STAMBP: variants seen among roughly 807,000 people sequenced by gnomAD.
The protein encoded by STAMBP is STAM-binding protein.
A neutral mutation model predicts 50.7 loss-of-function variants in STAMBP; 31 were observed. The observed-to-expected ratio is 0.61, with a 90% CI of 0.46 to 0.83. The LOEUF (loss-of-function observed/expected upper bound fraction) is 0.83. STAMBP is among the 40% of genes least tolerant of loss of function. The probability of loss-of-function intolerance (pLI) is 0.00; values close to 1 mark genes in which losing one functional copy is unlikely to be tolerated. For synonymous variants in STAMBP, 211 were observed against 192.4 expected (o/e 1.10, Z -0.80); for missense variants, 472 against 518.9 (o/e 0.91, Z 0.88).
At chr2:73,859,202 G>A in intron 7 of STAMBP, 52 bp from the exon 8 acceptor site, 1 of 1,435,634 alleles carries the variant, frequency 7.0e-7, no homozygotes, top group South Asian at 1.2e-5. Context: ...AAATAAGGAG[G>A]GATTACCATA....
intron 7 of STAMBP, among the ~76,000 whole-genome samples, chr2:73,852,844 A>ATT (rs1159802405): frequency 1.6e-5 from 1 of 62,706 alleles, no homozygotes; most frequent in Non-Finnish European, 2.9e-5. Context: ...TGCCTGGCTA[A>ATT]TTGTGTGTGT....
chr2:73,869,996 T>C (rs1450583636), downstream of STAMBP: 1 of 152,200 alleles, frequency 6.6e-6, no homozygotes, highest in African/African-American at 2.4e-5. Flanking sequence ...CCTAAAAATA[T>C]TAATATTAGT....
intron 7 of STAMBP, among the ~76,000 whole-genome samples, chr2:73,852,583 T>G (rs537257603): frequency 6.6e-6 from 1 of 152,256 alleles, no homozygotes; most frequent in South Asian, 2.1e-4. Flanking sequence ...GGCTACCTAA[T>G]GTAACATAGA....
downstream of STAMBP, among the ~76,000 whole-genome samples, chr2:73,870,800 T>A (rs2104768350): frequency 6.6e-6 from 1 of 152,326 alleles, no homozygotes; most frequent in South Asian, 2.1e-4. Context: ...CCATGCCACC[T>A]GCAGCACCAG....
chr2:73,848,059 C>T (rs1409131259), intron 5 of STAMBP, among the ~76,000 whole-genome samples: 1 of 152,206 alleles, frequency 6.6e-6, no homozygotes, highest in Admixed American at 6.5e-5. Context: ...ATAACATCAT[C>T]AGACTGCTGT....
chr2:73,857,175 A>G (rs773686765), intron 7 of STAMBP, among the ~76,000 whole-genome samples: 2 of 152,134 alleles, frequency 1.3e-5, no homozygotes, highest in Non-Finnish European at 2.9e-5. Flanking sequence ...GATGCCCCAG[A>G]TGGAAGGTTT....
In STAMBP at chr2:73,850,596, TCAA is replaced by T; in HGVS notation, c.1005+84_1005+86del. The T allele has an allele frequency of 7.1e-7, 1 of 1,404,620 alleles. No homozygotes were observed. The highest frequency in any genetic ancestry group is 9.6e-7 in the Non-Finnish European group (1 of 1,042,022). The allele number at this position is 1,404,620 out of a possible 1,614,324, so 87.0% of individuals were successfully genotyped here. A position where few individuals can be genotyped will look rare whatever the true frequency, so the allele number is the denominator to read the frequency against. ...TACATGAGTGTTTCTTTGAACAAAGTCAATTATATCCAGATTATTTATTGTTTT... is the reference window on the plus strand; with the variant it reads ...TACATGAGTGTTTCTTTGAACAAAGTTTATATCCAGATTATTTATTGTTTT... On this transcript the variant is annotated intron_variant, in intron 7 of 9. Coordinates refer to ENST00000394070, the MANE Select transcript of STAMBP (RefSeq NM_213622.4). This position sits in a 1 kb window ranked among gnomAD's most constrained non-coding sequence, Gnocchi z 4.3.
chr2:73,849,577 G>A, intron 6 of STAMBP, 90 bp downstream of exon 6: 1 of 1,483,246 alleles, frequency 6.7e-7, no homozygotes, highest in Non-Finnish European at 8.9e-7. Flanking sequence ...AAAATATCCA[G>A]GGTCAGTTAC....
chr2:73,833,982 G>A (rs1394827253), intron 2 of STAMBP, among the ~76,000 whole-genome samples: 1 of 151,590 alleles, frequency 6.6e-6, no homozygotes, highest in East Asian at 1.9e-4. Context: ...AGGCCGAAGT[G>A]GATGGATCAC....
intron 2 of STAMBP, among the ~76,000 whole-genome samples, chr2:73,832,108 T>TATATACACACAC (rs1006072205): frequency 8.1e-6 from 1 of 122,902 alleles, no homozygotes. Flanking sequence ...TATATATATA[T>TATATACACACAC]ACACATATAT....
chr2:73,854,541 T>C (rs1677302515), intron 7 of STAMBP, among the ~76,000 whole-genome samples: 3 of 152,198 alleles, frequency 2.0e-5, no homozygotes, highest in Admixed American at 2.0e-4. Context: ...ACAGGCACAA[T>C]CATACTGCAC....
At chr2:73,860,479 C>A in intron 9 of STAMBP, 1 of 760,554 alleles carries the variant, frequency 1.3e-6, no homozygotes, top group Non-Finnish European at 1.6e-6. Flanking sequence ...GTACGTAATG[C>A]AGTTGCTGGC....
In STAMBP at chr2:73,831,071, A is replaced by G. The variant is rs776436232; in HGVS notation, c.203+12A>G. On this transcript the variant is annotated intron_variant, in intron 2 of 9. Coordinates refer to ENST00000394070, the MANE Select transcript of STAMBP (RefSeq NM_213622.4). ...AACAAGTATATCACGTAAGACACCT[A>G]CAGTTTCCTTTTTCCTTTCTGGTGA... The G allele has an allele frequency of 6.2e-7, 1 of 1,611,642 alleles. No homozygotes were observed. The highest frequency in any genetic ancestry group is 8.5e-7 in the Non-Finnish European group (1 of 1,177,738).
At chr2:73,842,193 C>G (rs1021819332) in intron 2 of STAMBP, among the ~76,000 whole-genome samples, 1 of 152,114 alleles carries the variant, frequency 6.6e-6, no homozygotes, top group Admixed American at 6.5e-5. Context: ...TCGTTTTGTC[C>G]AATGTCGTTT....
rs1009722002 is a variant in STAMBP, at chr2:73,831,027, A to G, written c.171A>G (p.Glu57=). 9.3e-6 allele frequency: 15 copies of G among 1,614,036 alleles called. No individual in the cohort carries two copies. The highest frequency in any genetic ancestry group is 1.3e-5 in the Non-Finnish European group (15 of 1,179,976). ...TTTACTCTGAGGAAGGCAACATTGA[A>G]CATGCCTTCATCCTCTATAACAAGT... ...ASIYSEEGNI[E]HAFILYNKYI... Residue 57 remains glutamate, a synonymous_variant, in exon 2 of 10, where the codon GAA becomes GAG. Transcript: ENST00000394070.
intron 4 of STAMBP, 77 bp downstream of exon 4, chr2:73,845,339 A>T: frequency 9.8e-7 from 1 of 1,018,032 alleles, no homozygotes; most frequent in South Asian, 1.4e-5. Context: ...TGACATTTCA[A>T]TATATCCTGT....
intron 2 of STAMBP, among the ~76,000 whole-genome samples, chr2:73,843,603 C>G (rs1194895381): frequency 4.0e-5 from 6 of 151,864 alleles, no homozygotes; most frequent in African/African-American, 1.5e-4. Context: ...CAAAAGGAAG[C>G]TTTTTAAAGA....
downstream of STAMBP, among the ~76,000 whole-genome samples, chr2:73,870,840 A>G (rs2104768583): frequency 6.6e-6 from 1 of 152,140 alleles, no homozygotes; most frequent in South Asian, 2.1e-4. Context: ...AGCTCTTAAC[A>G]CCCTGCTTGC....
chr2:73,832,827 C>T (rs1218785749), intron 2 of STAMBP, among the ~76,000 whole-genome samples: 1 of 152,198 alleles, frequency 6.6e-6, no homozygotes, highest in African/African-American at 2.4e-5. Flanking sequence ...AGAATCACCT[C>T]TGAGAACCAG....
Sources: gnomAD v4.1 joint callset for allele counts (sites outside exome capture counted in the v4.1 genomes callset) on GRCh38, gnomAD v4.1.1 for gene constraint, Gnocchi (gnomAD v3.1) non-coding constraint, MANE v1.5 for transcripts, NCBI Gene and HGNC (gene_info 2026-07-23, HGNC 2026-07-21) for gene names.